CENPL: variants seen among roughly 807,000 people sequenced by gnomAD.
CENPL encodes interphase centromere complex protein 33.
A neutral mutation model predicts 35.2 loss-of-function variants in CENPL; 20 were observed. The ratio of observed to expected loss-of-function variants is 0.57; its 90% CI spans 0.40 to 0.83. CENPL has a LOEUF of 0.83. CENPL is among the 40% of genes least tolerant of loss of function. The pLI, the probability that CENPL is intolerant of heterozygous loss-of-function variation, is 0.00. For synonymous variants in CENPL, 140 were observed against 140.6 expected, an observed-to-expected ratio of 1.00 and a Z score of 0.03; for missense variants, 363 against 395.8, an observed-to-expected ratio of 0.92 and a Z score of 0.70.
intron 2 of CENPL, among the ~76,000 whole-genome samples, chr1:173,817,162 A>T (rs1651474043): frequency 6.7e-6 from 1 of 150,238 alleles, no homozygotes. Flanking sequence ...GCAAAAAAAT[A>T]AATAAATAAA....
At chr1:173,809,196 A>G (rs1650560740) in intron 3 of CENPL, among the ~76,000 whole-genome samples, 1 of 152,050 alleles carries the variant, frequency 6.6e-6, no homozygotes, top group Admixed American at 6.6e-5. Flanking sequence ...CAAAAAAATT[A>G]GCTGGGCGTG....
At chr1:173,823,036 C>G (rs373635016) in intron 2 of CENPL, 1 of 152,360 alleles carries the variant, frequency 6.6e-6, no homozygotes, top group African/African-American at 2.4e-5. Flanking sequence ...CCACACCTGG[C>G]CTCTGACATA....
At chr1:173,805,624 A>C (rs1650156064) in intron 4 of CENPL, among the ~76,000 whole-genome samples, 1 of 152,044 alleles carries the variant, frequency 6.6e-6, no homozygotes, top group Non-Finnish European at 1.5e-5. Context: ...GGGTCTCAGC[A>C]AGATTTACTC....
At chr1:173,811,381 C>T in intron 2 of CENPL, 75 bp from the exon 3 acceptor site, 1 of 1,010,702 alleles carries the variant, frequency 9.9e-7, no homozygotes, top group Non-Finnish European at 1.5e-6. Context: ...ACTGATTCCT[C>T]ACTCTAAAGG....
At chr1:173,805,370 C>T (rs1650125825) in intron 4 of CENPL, among the ~76,000 whole-genome samples, 1 of 152,014 alleles carries the variant, frequency 6.6e-6, no homozygotes, top group Non-Finnish European at 1.5e-5. Flanking sequence ...ATAAAACTAG[C>T]CTGGCACGGT....
intron 3 of CENPL, among the ~76,000 whole-genome samples, chr1:173,810,911 T>C (rs1448148236): frequency 4.6e-5 from 7 of 152,100 alleles, no homozygotes; most frequent in Admixed American, 1.3e-4. Context: ...AGCAAGACTC[T>C]GTCTCAAAAT....
At chr1:173,801,552 G>A (rs1649752034) in intron 5 of CENPL, among the ~76,000 whole-genome samples, 1 of 151,496 alleles carries the variant, frequency 6.6e-6, no homozygotes, top group African/African-American at 2.4e-5. Context: ...CAGGCATGGT[G>A]GCTCATGCCT....
At position 173,807,226 on chromosome 1, in the gene CENPL, T is replaced by C. The variant is rs770081078; in HGVS notation, c.420+41A>G. The C allele has an allele frequency of 3.4e-6, 5 of 1,475,680 alleles. No individual in the cohort carries two copies. In the African/African-American group the frequency reaches 5.6e-5, roughly 16 times the overall value. The allele number at this position is 1,475,680 out of a possible 1,614,324, so 91.4% of individuals were successfully genotyped here. ...TATAGTTTAGTCAAACAAGACATAA[T>C]ACTTTTCCCCTAGGAAGCAAGAACT... On this transcript the variant is annotated intron_variant, in intron 4 of 5. Coordinates refer to ENST00000682279, the MANE Select transcript of CENPL (RefSeq NM_001387287.1).
rs555652958 is a variant in CENPL, at chr1:173,810,945, A to G, written c.168+187T>C. Among the ~76,000 whole-genome samples, 8 of 152,256 alleles carry G rather than the reference A, an allele frequency of 5.3e-5. No homozygotes were observed. In the East Asian group the frequency reaches 1.5e-3, roughly 29 times the overall value. On this transcript the variant is annotated intron_variant, in intron 3 of 5. Coordinates refer to ENST00000682279, the MANE Select transcript of CENPL (RefSeq NM_001387287.1). Reference sequence around the variant, plus strand: ...ATAAATAAATAAATACATAAATACAAATATAAAAAACAAATAAAAGACATA... The same window carrying G: ...ATAAATAAATAAATACATAAATACAGATATAAAAAACAAATAAAAGACATA...
intron 2 of CENPL, among the ~76,000 whole-genome samples, chr1:173,818,444 G>C (rs1350141828): frequency 6.6e-6 from 1 of 152,082 alleles, no homozygotes; most frequent in African/African-American, 2.4e-5. Flanking sequence ...CTTCTCAACT[G>C]CATTTCCTAT....
chr1:173,801,533 C>CT (rs1649750037), intron 5 of CENPL, among the ~76,000 whole-genome samples: 1 of 149,334 alleles, frequency 6.7e-6, no homozygotes. Context: ...AAAAAAAAAT[C>CT]TAACTAGCCA....
intron 3 of CENPL, among the ~76,000 whole-genome samples, chr1:173,809,667 A>G (rs1168415780): frequency 6.6e-6 from 1 of 152,088 alleles, no homozygotes; most frequent in East Asian, 1.9e-4. Flanking sequence ...ATAAGCAGAC[A>G]CTTCTCAAAA....
At chr1:173,816,106 C>G (rs996375150) in intron 2 of CENPL, among the ~76,000 whole-genome samples, 2 of 152,098 alleles carry the variant, frequency 1.3e-5, no homozygotes, top group African/African-American at 4.8e-5. Context: ...GAATAAAATA[C>G]CTAGCAATCC....
chr1:173,806,191 AAGTC>A (rs1650210213), intron 4 of CENPL, among the ~76,000 whole-genome samples: 1 of 152,224 alleles, frequency 6.6e-6, no homozygotes, highest in Non-Finnish European at 1.5e-5. Context: ...TACAAACAAA[AAGTC>A]AGTCCTTTTC....
At chr1:173,822,256 T>C (rs1307315415) in intron 2 of CENPL, 1 of 152,242 alleles carries the variant, frequency 6.6e-6, no homozygotes, top group African/African-American at 2.4e-5. Context: ...CCAAATACTT[T>C]GTTCATCAAG....
chr1:173,808,001 T>C (rs1391903467), intron 3 of CENPL, among the ~76,000 whole-genome samples: 1 of 152,354 alleles, frequency 6.6e-6, no homozygotes, highest in East Asian at 1.9e-4. Flanking sequence ...CTAGAATAAG[T>C]GTTCAATAAA....
Position 173,818,762 on chromosome 1 carries a change from T to C in CENPL, c.-8+5164A>G, listed in dbSNP as rs544057110. Among the ~76,000 whole-genome samples, 62 of 152,280 alleles carry C rather than the reference T, an allele frequency of 4.1e-4. 1 individual carries two copies. In the South Asian group the frequency reaches 6.8e-3, roughly 17 times the overall value. ...TCTGTACCACTCATTTTAGCCCCTG[T>C]TCATATACTTCCTTGTACCATTTTT... On this transcript the variant is annotated intron_variant, in intron 2 of 5. Coordinates refer to ENST00000682279, the MANE Select transcript of CENPL (RefSeq NM_001387287.1).
At chr1:173,808,442 T>A (rs760481331) in intron 3 of CENPL, 1 of 151,954 alleles carries the variant, frequency 6.6e-6, no homozygotes, top group Admixed American at 6.6e-5. Context: ...AAATCTACTT[T>A]ATGAAACCAT....
intron 2 of CENPL, among the ~76,000 whole-genome samples, chr1:173,812,829 G>C (rs1006713445): frequency 6.6e-6 from 1 of 152,188 alleles, no homozygotes; most frequent in African/African-American, 2.4e-5. Context: ...TGGCTTTGAT[G>C]AGTTGACAGA....
Sources: gnomAD v4.1 joint callset for allele counts (sites outside exome capture counted in the v4.1 genomes callset) on GRCh38, gnomAD v4.1.1 for gene constraint, MANE v1.5 for transcripts, NCBI Gene and HGNC (gene_info 2026-07-23, HGNC 2026-07-21) for gene names.